NCOR2: variants seen among roughly 807,000 people sequenced by gnomAD.
The protein encoded by NCOR2 is nuclear receptor corepressor 2.
A neutral mutation model predicts 262.9 loss-of-function variants in NCOR2; 81 were observed. That is an observed-to-expected ratio of 0.31 (90% CI 0.26 to 0.37). The LOEUF (loss-of-function observed/expected upper bound fraction) is 0.37. Ranked by LOEUF, NCOR2 falls within the 10% of genes least tolerant of loss-of-function variation. The pLI, the probability that NCOR2 is intolerant of heterozygous loss-of-function variation, is 1.00. For missense variants in NCOR2, 3,385 were observed against 3,621.4 expected, an observed-to-expected ratio of 0.93 and a Z score of 1.68; for synonymous variants, 1,659 against 1,559.3, an observed-to-expected ratio of 1.06 and a Z score of -1.51.
chr12:124,431,779 T>C (rs2043957535), intron 8 of NCOR2, among the ~76,000 whole-genome samples: 1 of 148,820 alleles, frequency 6.7e-6, no homozygotes. Flanking sequence ...CACAGTCACA[T>C]GGCAGACACA....
intron 27 of NCOR2, among the ~76,000 whole-genome samples, chr12:124,352,569 T>C (rs1212312254): frequency 2.0e-5 from 3 of 152,140 alleles, no homozygotes; most frequent in African/African-American, 7.2e-5. Flanking sequence ...GACAGGCCTC[T>C]TTTTGTCCAG....
exon 43 of NCOR2, chr12:124,332,404 G>A (rs2135748797): frequency 2.5e-6 from 4 of 1,614,186 alleles, no homozygotes; most frequent in Middle Eastern, 1.6e-4. Flanking sequence ...AGTTGCTCTC[G>A]GTCAGCTTGC....
rs2136370842 is a variant in NCOR2, at chr12:124,432,890, A to G, written c.883-2103T>C. On this transcript the variant is annotated intron_variant, in intron 8 of 46. Coordinates refer to ENST00000405201, the Ensembl canonical transcript of NCOR2. The surrounding 1 kb of genome is among the most constrained non-coding windows in gnomAD (Gnocchi z 5.1). ...GCGGGGGGTGGGGGCGGGGAAGGGGACGCAGGGCGAGCCACCCACACAACC... is the reference window on the plus strand; with the variant it reads ...GCGGGGGGTGGGGGCGGGGAAGGGGGCGCAGGGCGAGCCACCCACACAACC... Among the ~76,000 whole-genome samples, 2 of 151,816 alleles carry G rather than the reference A, an allele frequency of 1.3e-5. No individual in the cohort carries two copies. The highest frequency in any genetic ancestry group is 2.4e-5 in the African/African-American group (1 of 41,402).
chr12:124,441,465 C>A (rs1431164113), intron 7 of NCOR2, among the ~76,000 whole-genome samples: 1 of 152,170 alleles, frequency 6.6e-6, no homozygotes, highest in African/African-American at 2.4e-5. Context: ...ACAGATCTTT[C>A]TTCTAGAGTT....
chr12:124,414,748 C>A (rs1009321953), intron 13 of NCOR2, among the ~76,000 whole-genome samples: 15 of 152,196 alleles, frequency 9.9e-5, no homozygotes, highest in African/African-American at 3.6e-4. Flanking sequence ...GGTGGGCTCA[C>A]TGGCTGGGAA....
intron 46 of NCOR2, 51 bp downstream of exon 48, chr12:124,326,140 C>A (rs1044563398): frequency 2.1e-6 from 3 of 1,434,224 alleles, no homozygotes; most frequent in Admixed American, 5.5e-5. Context: ...GCATTCACAG[C>A]CCAGTGTTGG....
intron 1 of NCOR2, among the ~76,000 whole-genome samples, chr12:124,506,243 C>CCCAA (rs1475095067): frequency 6.6e-6 from 1 of 152,246 alleles, no homozygotes; most frequent in Non-Finnish European, 1.5e-5. Flanking sequence ...AACTGACTTG[C>CCCAA]CCAAGGCCAC....
intron 20 of NCOR2, among the ~76,000 whole-genome samples, chr12:124,371,315 C>T (rs756860088): frequency 7.2e-5 from 11 of 152,034 alleles, no homozygotes; most frequent in South Asian, 2.1e-4. Context: ...GTTCCCACCA[C>T]GCTGAGGGTA....
intron 5 of NCOR2, among the ~76,000 whole-genome samples, chr12:124,463,012 G>A (rs1211311152): frequency 6.6e-6 from 1 of 152,168 alleles, no homozygotes; most frequent in Non-Finnish European, 1.5e-5. Context: ...TCTATTGGAA[G>A]CAGCCTTCTA....
chr12:124,359,185 G>A (rs1368196106), intron 22 of NCOR2, among the ~76,000 whole-genome samples: 1 of 152,228 alleles, frequency 6.6e-6, no homozygotes, highest in Non-Finnish European at 1.5e-5. Context: ...ACCTCTCCCT[G>A]AGGACCAATC....
At position 124,325,380 on chromosome 12, in the gene NCOR2, C is replaced by CCCCA. The variant is rs1555297234; in HGVS notation, c.*21_*22insTGGG. 3.1e-5 allele frequency: 10 copies of CCCCA among 327,262 alleles called. 1 individual carries two copies. Among genetic ancestry groups the CCCCA allele is most frequent in the Admixed American group, 2.7e-4 (3 of 11,302 alleles). The allele number at this position is 327,262 out of a possible 1,614,324, so 20.3% of individuals were successfully genotyped here. The stretch of plus-strand genomic sequence containing the variant: ...TGGCTCGCTGGGACCTGACACCGCC[C>CCCCA]CCCCCCCCGCCCTGTTCTGAGTCAC... On this transcript the variant is annotated 3_prime_UTR_variant, in exon 47 of 47. Transcript: ENST00000405201.
chr12:124,519,089 TACACACACACACAC>T lies in NCOR2; in HGVS notation c.-118+16462_-118+16475del, dbSNP rs57438929. On this transcript the variant is annotated intron_variant, in intron 1 of 46. Coordinates refer to the NCOR2 transcript ENST00000404621. ...TAGAAAAGAAGACGTGGCCAAATAATACACACACACACACACACACACACACACACACACACACA... is the reference window on the plus strand; with the variant it reads ...TAGAAAAGAAGACGTGGCCAAATAATACACACACACACACACACACACACA... Among the ~76,000 whole-genome samples the T allele has an allele frequency of 6.7e-3, 656 of 97,322 alleles. 6 individuals carry two copies. The highest frequency in any genetic ancestry group is 0.021 in the African/African-American group (619 of 28,848). 63.8% of individuals were successfully genotyped at this position (97,322 alleles called of 152,430 possible).
chr12:124,432,996 G>A lies in NCOR2; in HGVS notation c.883-2209C>T, dbSNP rs181374144. 4.0e-4 allele frequency among the ~76,000 whole-genome samples: 61 copies of A among 152,232 alleles called. No individual in the cohort carries two copies. Among genetic ancestry groups the A allele is most frequent in the African/African-American group, 1.3e-3 (53 of 41,538 alleles). The stretch of plus-strand genomic sequence containing the variant: ...TCCACAAACACCCACTTGGTGCTTC[G>A]GTACAGTCAGAAAGCCCCTCTCTGG... On this transcript the variant is annotated intron_variant, in intron 8 of 46. Coordinates refer to ENST00000405201, the Ensembl canonical transcript of NCOR2. The surrounding 1 kb of genome is among the most constrained non-coding windows in gnomAD (Gnocchi z 5.1).
intron 15 of NCOR2, 111 bp downstream of exon 17, chr12:124,400,390 C>G (rs2041930857): frequency 1.4e-6 from 2 of 1,439,348 alleles, no homozygotes. Flanking sequence ...ATGACTTACA[C>G]CAACCCCTTG....
At chr12:124,527,562 C>T (rs533893676) in intron 1 of NCOR2, among the ~76,000 whole-genome samples, 1 of 152,134 alleles carries the variant, frequency 6.6e-6, no homozygotes, top group African/African-American at 2.4e-5. Flanking sequence ...GGATTACAGG[C>T]GCCCGCCACC....
chr12:124,425,878 G>A (rs1471772786), intron 11 of NCOR2, among the ~76,000 whole-genome samples: 1 of 152,176 alleles, frequency 6.6e-6, no homozygotes, highest in Non-Finnish European at 1.5e-5. Flanking sequence ...CTGTGTACTG[G>A]GGTGGGCCTG....
Position 124,342,989 on chromosome 12 carries a change from G to GC in NCOR2, c.4936+15dup, listed in dbSNP as rs1253988011. On this transcript the variant is annotated intron_variant, in intron 33 of 46. Coordinates refer to ENST00000405201, the Ensembl canonical transcript of NCOR2. ...TCAGCACCACTGCAGGGTTCTGGGAGCCCCAGGGCAATCACCTGCGTCCAG... is the reference window on the plus strand; with the variant it reads ...TCAGCACCACTGCAGGGTTCTGGGAGCCCCCAGGGCAATCACCTGCGTCCAG... The GC allele has an allele frequency of 6.2e-7, 1 of 1,609,506 alleles. No homozygotes were observed. The highest frequency in any genetic ancestry group is 8.5e-7 in the Non-Finnish European group (1 of 1,179,512).
At chr12:124,509,044 A>G (rs933798326) in intron 1 of NCOR2, among the ~76,000 whole-genome samples, 2 of 152,186 alleles carry the variant, frequency 1.3e-5, no homozygotes, top group African/African-American at 2.4e-5. Context: ...CATGAAAGGC[A>G]GGCCAGGCAG....
Position 124,517,668 on chromosome 12 carries a change from C to T in NCOR2, c.-118+17897G>A, listed in dbSNP as rs556180964. On this transcript the variant is annotated intron_variant, in intron 1 of 46. Coordinates refer to the NCOR2 transcript ENST00000404621. The surrounding 1 kb of genome is among the most constrained non-coding windows in gnomAD (Gnocchi z 7.6). Reference sequence around the variant, plus strand: ...TCCGGGAACAGAAGCCCCCTGAGCCCCCAAGGCTCGCCATGCTCCCCCCCA... The same window carrying T: ...TCCGGGAACAGAAGCCCCCTGAGCCTCCAAGGCTCGCCATGCTCCCCCCCA... Among the ~76,000 whole-genome samples the T allele has an allele frequency of 5.3e-4, 81 of 152,330 alleles. No homozygotes were observed. Among genetic ancestry groups the T allele is most frequent in the African/African-American group, 1.6e-3 (67 of 41,588 alleles).
Sources: gnomAD v4.1 joint callset for allele counts (sites outside exome capture counted in the v4.1 genomes callset) on GRCh38, gnomAD v4.1.1 for gene constraint, Gnocchi (gnomAD v3.1) non-coding constraint, MANE v1.5 for transcripts, NCBI Gene and HGNC (gene_info 2026-07-23, HGNC 2026-07-21) for gene names.